Variants in HPCAL4 observed in about 807,000 individuals in gnomAD.
The protein encoded by HPCAL4 is hippocalcin-like protein 4.
A neutral mutation model predicts 18.2 loss-of-function variants in HPCAL4; 16 were observed. The observed-to-expected ratio is 0.88, with a 90% CI of 0.59 to 1.33. The LOEUF is 1.33. Among genes scored for constraint, HPCAL4 ranks in the 40% most tolerant of loss-of-function variants. HPCAL4 has a pLI of 0.00. For missense variants in HPCAL4, 214 were observed against 256.6 expected (o/e 0.83, Z 1.14); for synonymous variants, 80 against 97.5 (o/e 0.82, Z 1.06).
chr1:39,682,685 C>T lies in HPCAL4; in HGVS notation c.427G>A (p.Asp143Asn), dbSNP rs201852309. 3.6e-5 allele frequency: 58 copies of T among 1,614,048 alleles called. No individual in the cohort carries two copies. Among genetic ancestry groups the T allele is most frequent in the Non-Finnish European group, 4.8e-5 (57 of 1,180,036 alleles). ...ACACGCTGCTGGGGCGTGAGCCCGT[C>T]CTGGTTCATGCGCATCATGATCACG... ...GTVIMMRMNQDGLTPQQRVDK... is the reference protein window; with the variant it reads ...GTVIMMRMNQNGLTPQQRVDK... The change falls in exon 4 of 4, where the codon GAC (aspartate) becomes AAC (asparagine). Residue 143 changes from aspartate (D) to asparagine (N), a missense_variant. Transcript: ENST00000372844.
At chr1:39,690,474 C>T (rs1243679519) in intron 1 of HPCAL4, among the ~76,000 whole-genome samples, 1 of 152,138 alleles carries the variant, frequency 6.6e-6, no homozygotes, top group Non-Finnish European at 1.5e-5. Flanking sequence ...AGCAAATAGT[C>T]ATACAAATTA....
At chr1:39,684,930 C>T (rs899722371) in intron 1 of HPCAL4, among the ~76,000 whole-genome samples, 1 of 152,238 alleles carries the variant, frequency 6.6e-6, no homozygotes. Context: ...TGACTCCTCT[C>T]CTTGCCATTT....
chr1:39,685,277 G>A (rs768556781), intron 1 of HPCAL4, among the ~76,000 whole-genome samples: 1 of 152,214 alleles, frequency 6.6e-6, no homozygotes, highest in Non-Finnish European at 1.5e-5. Flanking sequence ...TGGTTACAAA[G>A]GGCCTCCAAT....
Position 39,679,888 on chromosome 1 carries a change from C to T in HPCAL4, c.*2648G>A, listed in dbSNP as rs1646610430. 6.6e-6 allele frequency: 1 copy of T among 152,450 alleles called. No individual in the cohort carries two copies. Among genetic ancestry groups the T allele is most frequent in the African/African-American group, 2.4e-5 (1 of 41,434 alleles). The allele number at this position is 152,450 out of a possible 1,614,324, so 9.4% of individuals were successfully genotyped here. On this transcript the variant is annotated 3_prime_UTR_variant, in exon 4 of 4. Transcript: ENST00000372844. ...AAAATCACCCATGGGTATGTGTGTCCAGAAGCCTGGAGTAATCAAACACGC... is the reference window on the plus strand; with the variant it reads ...AAAATCACCCATGGGTATGTGTGTCTAGAAGCCTGGAGTAATCAAACACGC...
chr1:39,682,227 C>T lies in HPCAL4; in HGVS notation c.*309G>A. ...GATCAAGAGAATTCCTAACCAGAAC[C>T]CCAGGCCCCCAACTCCTTAACCTCA... On this transcript the variant is annotated 3_prime_UTR_variant, in exon 4 of 4. Coordinates refer to ENST00000372844, the MANE Select transcript of HPCAL4 (RefSeq NM_016257.4). The T allele has an allele frequency of 5.5e-6, 2 of 365,222 alleles. No homozygotes were observed. Among genetic ancestry groups the T allele is most frequent in the Non-Finnish European group, 1.0e-5 (2 of 194,534 alleles). 22.6% of individuals were successfully genotyped at this position (365,222 alleles called of 1,614,324 possible). A position where few individuals can be genotyped will look rare whatever the true frequency, so the allele number is the denominator to read the frequency against.
intron 1 of HPCAL4, among the ~76,000 whole-genome samples, chr1:39,689,887 CT>C (rs1646705011): frequency 6.6e-6 from 1 of 152,202 alleles, no homozygotes; most frequent in Non-Finnish European, 1.5e-5. Context: ...CCTCCCTTTG[CT>C]CTTCCCCAAG....
chr1:39,683,175 C>G (rs1168911098), intron 3 of HPCAL4, among the ~76,000 whole-genome samples: 2 of 152,336 alleles, frequency 1.3e-5, no homozygotes, highest in South Asian at 4.1e-4. Flanking sequence ...TGAGCCACCA[C>G]GCCCAGCCCT....
chr1:39,682,649 A>G lies in HPCAL4; in HGVS notation c.463T>C (p.Phe155Leu), dbSNP rs1427357817. 1.2e-6 allele frequency: 2 copies of G among 1,614,186 alleles called. No individual in the cohort carries two copies. The highest frequency in any genetic ancestry group is 1.7e-6 in the Non-Finnish European group (2 of 1,180,024). ...LTPQQRVDKI[F>L]KKMDQDKDDQ... The stretch of plus-strand genomic sequence containing the variant: ...TCCTTATCCTGGTCCATCTTCTTGA[A>G]GATCTTGTCCACACGCTGCTGGGGC... The change falls in exon 4 of 4, where the codon TTC becomes CTC. Residue 155 changes from phenylalanine (F) to leucine (L), a missense_variant. Phe to Leu is a conservative substitution (Grantham distance 22, BLOSUM62 0). Transcript: ENST00000372844.
chr1:39,689,283 C>T (rs571215426), intron 1 of HPCAL4, among the ~76,000 whole-genome samples: 1 of 152,170 alleles, frequency 6.6e-6, no homozygotes, highest in East Asian at 1.9e-4. Flanking sequence ...TGGTTCCCAC[C>T]CTGCCTTCTG....
chr1:39,684,620 C>T lies in HPCAL4; in HGVS notation c.-8-9G>A. ...CTTCCCCATGGCGGGGCCTGTGGGACAGAGGGATTCCTCCGACTGGGTCCA... is the reference window on the plus strand; with the variant it reads ...CTTCCCCATGGCGGGGCCTGTGGGATAGAGGGATTCCTCCGACTGGGTCCA... On this transcript the variant is annotated splice_polypyrimidine_tract_variant and intron_variant, in intron 1 of 3. Transcript: ENST00000372844. The T allele has an allele frequency of 6.4e-7, 1 of 1,567,736 alleles. No homozygotes were observed. Among genetic ancestry groups the T allele is most frequent in the Non-Finnish European group, 8.6e-7 (1 of 1,158,046 alleles).
At chr1:39,687,386 G>C (rs1389880633) in intron 1 of HPCAL4, among the ~76,000 whole-genome samples, 6 of 152,238 alleles carry the variant, frequency 3.9e-5, no homozygotes, top group Admixed American at 2.0e-4. Flanking sequence ...ATGTCTGATG[G>C]GGGGAGGCAC....
At chr1:39,690,821 T>G (rs1158961208) in intron 1 of HPCAL4, among the ~76,000 whole-genome samples, 30 of 145,808 alleles carry the variant, frequency 2.1e-4, no homozygotes, top group Non-Finnish European at 3.6e-4. Context: ...GAGCGCTCTG[T>G]GGAGGGGGAG....
intron 1 of HPCAL4, among the ~76,000 whole-genome samples, chr1:39,687,312 C>T (rs1474034505): frequency 6.6e-6 from 1 of 152,238 alleles, no homozygotes; most frequent in African/African-American, 2.4e-5. Context: ...TCACCCCTCT[C>T]CCAAATCCAA....
chr1:39,685,316 G>A (rs1646663885), intron 1 of HPCAL4, among the ~76,000 whole-genome samples: 2 of 152,124 alleles, frequency 1.3e-5, no homozygotes, highest in African/African-American at 2.4e-5. Flanking sequence ...GGGAACAGAC[G>A]CTCCTGGGAT....
chr1:39,687,095 T>C (rs1293191779), intron 1 of HPCAL4, among the ~76,000 whole-genome samples: 1 of 152,180 alleles, frequency 6.6e-6, no homozygotes, highest in Admixed American at 6.5e-5. Context: ...CTCAGATTCC[T>C]CCACTGGGCC....
chr1:39,686,078 G>A (rs888152291), intron 1 of HPCAL4, among the ~76,000 whole-genome samples: 3 of 151,752 alleles, frequency 2.0e-5, no homozygotes, highest in Non-Finnish European at 2.9e-5. Flanking sequence ...CTACTTGGGA[G>A]GCTGAGGCAG....
Position 39,679,041 on chromosome 1 carries a change from T to G in HPCAL4, c.*3495A>C, listed in dbSNP as rs1351339287. On this transcript the variant is annotated 3_prime_UTR_variant, in exon 4 of 4. Transcript: ENST00000372844. ...TTTCAAGAATGATGAATAAAACATG[T>G]AAGACATTCTTGACCCCACAGTGAT... 2 of 152,250 alleles carry G rather than the reference T, an allele frequency of 1.3e-5. No homozygotes were observed. The highest frequency in any genetic ancestry group is 2.9e-5 in the Non-Finnish European group (2 of 68,044). 9.4% of individuals were successfully genotyped at this position (152,250 alleles called of 1,614,324 possible).
intron 1 of HPCAL4, among the ~76,000 whole-genome samples, chr1:39,686,054 G>T (rs6699240): frequency 6.6e-6 from 1 of 151,098 alleles, no homozygotes. Context: ...GGTGGCGGGC[G>T]CCAGTAGTCC....
rs905445021 is a variant in HPCAL4, at chr1:39,680,222, G to C, written c.*2314C>G. On this transcript the variant is annotated 3_prime_UTR_variant, in exon 4 of 4. Coordinates refer to ENST00000372844, the MANE Select transcript of HPCAL4 (RefSeq NM_016257.4). ...ATGGACAGGGAAGAGACTCTGAAAAGAAGAAATCCTCTTAGAGCCTTGGTT... is the reference window on the plus strand; with the variant it reads ...ATGGACAGGGAAGAGACTCTGAAAACAAGAAATCCTCTTAGAGCCTTGGTT... 9.8e-5 allele frequency: 15 copies of C among 152,462 alleles called. No homozygotes were observed. Among genetic ancestry groups the C allele is most frequent in the African/African-American group, 3.6e-4 (15 of 41,446 alleles). 9.4% of individuals were successfully genotyped at this position (152,462 alleles called of 1,614,324 possible).
Sources: allele counts gnomAD v4.1 joint callset (sites outside exome capture counted in the v4.1 genomes callset), GRCh38; gene constraint gnomAD v4.1.1; transcripts MANE v1.5; gene names NCBI Gene and HGNC (gene_info 2026-07-23, HGNC 2026-07-21).